The following MAGI2 variants were observed in gnomAD, a reference collection of about 807,000 sequenced individuals.
MAGI2 encodes the protein membrane associated guanylate kinase, WW and PDZ domain containing 2.
In MAGI2, 35 loss-of-function variants were observed where a neutral mutation model predicts 133.3. The ratio of observed to expected loss-of-function variants is 0.26; its 90% CI spans 0.20 to 0.35. The LOEUF is 0.35. Ranked by LOEUF, MAGI2 falls within the 10% of genes least tolerant of loss-of-function variation. The pLI is 1.00. For missense variants in MAGI2, 1,636 were observed against 1,863.4 expected, an observed-to-expected ratio of 0.88 and a Z score of 2.25; for synonymous variants, 729 against 710.6, an observed-to-expected ratio of 1.03 and a Z score of -0.41.
In MAGI2 at chr7:78,351,401, G is replaced by T. The variant is rs571484314; in HGVS notation, c.1104-5358C>A. 2.6e-5 allele frequency among the ~76,000 whole-genome samples: 4 copies of T among 152,022 alleles called. No homozygotes were observed. In the East Asian group the frequency reaches 5.9e-4, roughly 22 times the overall value. ...ACAAGTGTCTGTAGTCTCAGCTTGG[G>T]TTACAACAGAAAAGTGTGAATAAGG... On this transcript the variant is annotated intron_variant, in intron 7 of 21. Coordinates refer to ENST00000354212, the MANE Select transcript of MAGI2 (RefSeq NM_012301.4).
chr7:78,167,650 A>G (rs576839628), intron 15 of MAGI2, among the ~76,000 whole-genome samples: 1 of 152,348 alleles, frequency 6.6e-6, no homozygotes, highest in Admixed American at 6.5e-5. Flanking sequence ...AGCAGAGAGC[A>G]TACATACCTT....
chr7:79,214,813 CATT>C lies in MAGI2; in HGVS notation c.302-207610_302-207608del, dbSNP rs1043410290. 1.6e-4 allele frequency among the ~76,000 whole-genome samples: 21 copies of C among 133,826 alleles called. 1 individual carries two copies. Among genetic ancestry groups the C allele is most frequent in the African/African-American group, 5.5e-4 (20 of 36,240 alleles). The allele number at this position is 133,826 out of a possible 152,430, so 87.8% of individuals were successfully genotyped here. On this transcript the variant is annotated intron_variant, in intron 1 of 21. Transcript: ENST00000354212. ...TATTAATATAGATAATATATAAATA[CATT>C]ATATTTATAAATTATAAAATTATAA...
intron 5 of MAGI2, among the ~76,000 whole-genome samples, chr7:78,491,448 T>C (rs1793593862): frequency 6.6e-6 from 1 of 152,114 alleles, no homozygotes; most frequent in African/African-American, 2.4e-5. Flanking sequence ...TCACATGGAA[T>C]AAAGAGAAGG....
intron 2 of MAGI2, among the ~76,000 whole-genome samples, chr7:78,628,939 A>T (rs1335122662): frequency 6.6e-6 from 1 of 151,804 alleles, no homozygotes; most frequent in Non-Finnish European, 1.5e-5. Context: ...TAAGAAAAAA[A>T]TCACATAACA....
chr7:78,227,929 A>G (rs1789570553), intron 10 of MAGI2, among the ~76,000 whole-genome samples: 1 of 151,402 alleles, frequency 6.6e-6, no homozygotes, highest in Non-Finnish European at 1.5e-5. Context: ...TGCCTAGACA[A>G]CAGACTGGCA....
At chr7:78,163,902 G>A (rs754879379) in intron 15 of MAGI2, among the ~76,000 whole-genome samples, 24 of 65,202 alleles carry the variant, frequency 3.7e-4, no homozygotes, top group Non-Finnish European at 6.4e-4. Context: ...GCAAGACTCC[G>A]TCTCAAAAAA....
chr7:78,259,603 C>G (rs549389111), intron 9 of MAGI2, among the ~76,000 whole-genome samples: 1 of 152,236 alleles, frequency 6.6e-6, no homozygotes, highest in East Asian at 1.9e-4. Context: ...CAGTTACAGT[C>G]AAGGATGACT....
intron 1 of MAGI2, among the ~76,000 whole-genome samples, chr7:79,352,231 T>C (rs1841738796): frequency 6.6e-6 from 1 of 152,110 alleles, no homozygotes; most frequent in Non-Finnish European, 1.5e-5. Flanking sequence ...GCTCAGAATA[T>C]CAATTATGCG....
intron 10 of MAGI2, among the ~76,000 whole-genome samples, chr7:78,218,908 C>T (rs1788528928): frequency 6.6e-6 from 1 of 152,212 alleles, no homozygotes; most frequent in African/African-American, 2.4e-5. Context: ...GGCACCTGCT[C>T]ATACCGAACC....
intron 1 of MAGI2, among the ~76,000 whole-genome samples, chr7:79,083,308 T>A (rs1027752397): frequency 2.0e-5 from 3 of 151,310 alleles, no homozygotes; most frequent in African/African-American, 4.8e-5. Flanking sequence ...ATGTTATTTT[T>A]TTTTTTTTTT....
At chr7:78,600,656 G>A (rs1805100577) in intron 3 of MAGI2, among the ~76,000 whole-genome samples, 1 of 152,018 alleles carries the variant, frequency 6.6e-6, no homozygotes, top group Admixed American at 6.5e-5. Flanking sequence ...ATAGTACACT[G>A]GAGTGAATAA....
intron 1 of MAGI2, among the ~76,000 whole-genome samples, chr7:79,318,671 T>C (rs1011996304): frequency 6.6e-6 from 1 of 152,344 alleles, no homozygotes; most frequent in East Asian, 1.9e-4. Context: ...ATGGATTCTC[T>C]TGTACTACGT....
At chr7:78,472,882 G>T (rs1375118738) in intron 6 of MAGI2, among the ~76,000 whole-genome samples, 1 of 152,096 alleles carries the variant, frequency 6.6e-6, no homozygotes, top group Non-Finnish European at 1.5e-5. Context: ...GACTCCTGAT[G>T]GTTGTCTATC....
intron 1 of MAGI2, among the ~76,000 whole-genome samples, chr7:79,221,573 G>C (rs1429184150): frequency 6.6e-6 from 1 of 152,022 alleles, no homozygotes; most frequent in Admixed American, 6.5e-5. Flanking sequence ...CATGGAAGGA[G>C]CTGAAGGTGG....
intron 1 of MAGI2, among the ~76,000 whole-genome samples, chr7:79,093,525 T>A (rs1359069765): frequency 1.3e-5 from 2 of 152,134 alleles, no homozygotes; most frequent in Admixed American, 1.3e-4. Context: ...GTACTTACTT[T>A]AATTAGAAAT....
chr7:78,389,153 CAT>C (rs1340821568), intron 6 of MAGI2, among the ~76,000 whole-genome samples: 2 of 152,076 alleles, frequency 1.3e-5, no homozygotes, highest in Non-Finnish European at 2.9e-5. Flanking sequence ...ATAAAATTAA[CAT>C]GTACTCAGCA....
intron 1 of MAGI2, among the ~76,000 whole-genome samples, chr7:79,443,602 G>A (rs143200479): frequency 1.9e-4 from 29 of 152,038 alleles, no homozygotes; most frequent in African/African-American, 6.7e-4. Context: ...ACTCATATAA[G>A]CAAAAATACT....
At chr7:78,239,201 T>C (rs1276438211) in intron 10 of MAGI2, among the ~76,000 whole-genome samples, 1 of 152,192 alleles carries the variant, frequency 6.6e-6, no homozygotes, top group Admixed American at 6.5e-5. Flanking sequence ...TAAAACTGAA[T>C]ATCCCCATGC....
At chr7:78,755,092 A>G (rs1050872925) in intron 2 of MAGI2, among the ~76,000 whole-genome samples, 4 of 152,212 alleles carry the variant, frequency 2.6e-5, no homozygotes, top group Admixed American at 6.5e-5. Flanking sequence ...TGTTCCACAT[A>G]TTATTACTTA....
Sources: allele counts gnomAD v4.1 joint callset (sites outside exome capture counted in the v4.1 genomes callset), GRCh38; gene constraint gnomAD v4.1.1; transcripts MANE v1.5; gene names NCBI Gene and HGNC (gene_info 2026-07-23, HGNC 2026-07-21).